The following CFAP299 variants were observed in gnomAD, a reference collection of about 807,000 sequenced individuals.
CFAP299 encodes cilia and flagella associated protein 299.
CFAP299 carries 21 observed loss-of-function variants against 27.0 expected under a neutral mutation model. That is an observed-to-expected ratio of 0.78 (90% CI 0.55 to 1.12). The LOEUF is 1.12. CFAP299 is among the 50% of genes most tolerant of loss of function. CFAP299 has a pLI of 0.00. For synonymous variants in CFAP299, 104 were observed against 98.1 expected (o/e 1.06, Z -0.36); for missense variants, 310 against 276.6 (o/e 1.12, Z -0.86).
chr4:80,907,277 T>G (rs1447907203), intron 4 of CFAP299, among the ~76,000 whole-genome samples: 1 of 152,206 alleles, frequency 6.6e-6, no homozygotes, highest in Non-Finnish European at 1.5e-5. Context: ...AGCATTTTGG[T>G]CAAAACCATT....
At chr4:80,911,948 T>A (rs1735493087) in intron 4 of CFAP299, among the ~76,000 whole-genome samples, 1 of 151,012 alleles carries the variant, frequency 6.6e-6, no homozygotes, top group Non-Finnish European at 1.5e-5. Context: ...TGCCTCAAAA[T>A]AAAAAAAAAA....
intron 4 of CFAP299, among the ~76,000 whole-genome samples, chr4:80,902,464 ATG>A (rs1734957790): frequency 2.6e-5 from 3 of 117,598 alleles, no homozygotes; most frequent in African/African-American, 9.6e-5. Flanking sequence ...ATATACATAT[ATG>A]TATATATGTA....
At chr4:80,758,714 C>T (rs996798851) in intron 3 of CFAP299, among the ~76,000 whole-genome samples, 1 of 152,106 alleles carries the variant, frequency 6.6e-6, no homozygotes, top group African/African-American at 2.4e-5. Flanking sequence ...GATACTAATA[C>T]AGATATATCA....
chr4:80,432,774 G>A (rs967966494), intron 2 of CFAP299, among the ~76,000 whole-genome samples: 2 of 151,650 alleles, frequency 1.3e-5, no homozygotes, highest in African/African-American at 2.4e-5. Flanking sequence ...CACCCACCTC[G>A]GCCTCCCAAA....
chr4:80,357,276 A>T (rs1429926272), intron 1 of CFAP299, among the ~76,000 whole-genome samples: 2 of 152,194 alleles, frequency 1.3e-5, no homozygotes, highest in African/African-American at 4.8e-5. Flanking sequence ...AATGTTCATC[A>T]GTGATATTTG....
chr4:80,446,729 C>CATA (rs974224527), intron 2 of CFAP299, among the ~76,000 whole-genome samples: 34 of 152,290 alleles, frequency 2.2e-4, no homozygotes, highest in African/African-American at 7.5e-4. Flanking sequence ...AACTCTATTA[C>CATA]ATTTCTCACC....
intron 3 of CFAP299, among the ~76,000 whole-genome samples, chr4:80,633,879 T>C (rs1442550464): frequency 6.6e-6 from 1 of 152,164 alleles, no homozygotes; most frequent in African/African-American, 2.4e-5. Flanking sequence ...GGTTGATATT[T>C]TCCCTCTTTA....
chr4:80,538,327 T>C (rs756839892), intron 2 of CFAP299, among the ~76,000 whole-genome samples: 1 of 152,160 alleles, frequency 6.6e-6, no homozygotes, highest in Non-Finnish European at 1.5e-5. Flanking sequence ...GTTTTAAAAA[T>C]ATAAGTTAAA....
At chr4:80,421,318 C>T (rs1397351612) in intron 2 of CFAP299, among the ~76,000 whole-genome samples, 1 of 152,130 alleles carries the variant, frequency 6.6e-6, no homozygotes, top group African/African-American at 2.4e-5. Flanking sequence ...TTCTTCTTCC[C>T]CTGTCATCTC....
intron 3 of CFAP299, among the ~76,000 whole-genome samples, chr4:80,836,975 T>C (rs1730595848): frequency 6.6e-6 from 1 of 152,084 alleles, no homozygotes; most frequent in Non-Finnish European, 1.5e-5. Context: ...TTCTAGGCTT[T>C]TGACTAGTAG....
chr4:80,463,169 T>C (rs1729535111), intron 2 of CFAP299, among the ~76,000 whole-genome samples: 1 of 152,122 alleles, frequency 6.6e-6, no homozygotes, highest in South Asian at 2.1e-4. Context: ...TTTTTAATTT[T>C]AATGTCTTTT....
chr4:80,949,139 A>G (rs1737630983), intron 5 of CFAP299, among the ~76,000 whole-genome samples: 1 of 152,204 alleles, frequency 6.6e-6, no homozygotes, highest in South Asian at 2.1e-4. Context: ...ACTTCAACAG[A>G]TTAAATGACT....
chr4:80,899,193 A>G (rs1734760806), intron 4 of CFAP299, among the ~76,000 whole-genome samples: 1 of 152,236 alleles, frequency 6.6e-6, no homozygotes, highest in Admixed American at 6.5e-5. Context: ...CACTTAGAAC[A>G]GTCACTGGCA....
intron 4 of CFAP299, among the ~76,000 whole-genome samples, chr4:80,939,251 A>G (rs1458347106): frequency 6.6e-6 from 1 of 152,184 alleles, no homozygotes; most frequent in East Asian, 1.9e-4. Flanking sequence ...TATTTCTTTA[A>G]GTAAACTATT....
At chr4:80,339,433 C>T (rs560481959) in intron 1 of CFAP299, among the ~76,000 whole-genome samples, 5 of 152,242 alleles carry the variant, frequency 3.3e-5, no homozygotes, top group African/African-American at 1.2e-4. Flanking sequence ...ATCTAATAAC[C>T]ACACAACTTT....
chr4:80,774,789 A>G (rs1206963894), intron 3 of CFAP299, among the ~76,000 whole-genome samples: 1 of 152,074 alleles, frequency 6.6e-6, no homozygotes, highest in Non-Finnish European at 1.5e-5. Flanking sequence ...TGTCTTTAAT[A>G]GCTTATAATA....
At chr4:80,702,987 C>A (rs908843641) in intron 3 of CFAP299, among the ~76,000 whole-genome samples, 3 of 151,782 alleles carry the variant, frequency 2.0e-5, no homozygotes, top group African/African-American at 7.2e-5. Flanking sequence ...ATATATGCAG[C>A]TGTCTCTTTC....
At chr4:80,676,762 G>A (rs2110000445) in intron 3 of CFAP299, among the ~76,000 whole-genome samples, 1 of 151,592 alleles carries the variant, frequency 6.6e-6, no homozygotes. Flanking sequence ...AATAGTCTAT[G>A]GTGATTATTT....
Position 80,612,388 on chromosome 4 carries a change from A to G in CFAP299, c.333+29205A>G, listed in dbSNP as rs191470745. Among the ~76,000 whole-genome samples the G allele has an allele frequency of 1.4e-4, 21 of 152,218 alleles. No individual in the cohort carries two copies. In the East Asian group the frequency reaches 4.0e-3, roughly 29 times the overall value. On this transcript the variant is annotated intron_variant, in intron 3 of 5. Transcript: ENST00000358105. ...TGATTTAATTTCTCTGGAAATGATT[A>G]CACATTTATCATTAGAGTTTTTTTC...
Sources: allele counts gnomAD v4.1 joint callset (sites outside exome capture counted in the v4.1 genomes callset), GRCh38; gene constraint gnomAD v4.1.1; transcripts MANE v1.5; gene names NCBI Gene and HGNC (gene_info 2026-07-23, HGNC 2026-07-21).